STRBP: variants seen among roughly 807,000 people sequenced by gnomAD.
The protein encoded by STRBP is spermatid perinuclear RNA binding protein.
In STRBP, 13 loss-of-function variants were observed where a neutral mutation model predicts 80.1. That is an observed-to-expected ratio of 0.16 (90% confidence interval 0.11 to 0.26). The LOEUF is 0.26. Among genes scored for constraint, STRBP ranks in the 10% least tolerant of loss-of-function variants. The probability of loss-of-function intolerance (pLI) is 1.00; values close to 1 mark genes in which losing one functional copy is unlikely to be tolerated. For synonymous variants in STRBP, 284 were observed against 291.2 expected (o/e 0.98, Z 0.25); for missense variants, 485 against 815.2 (o/e 0.59, Z 4.93).
chr9:123,257,604 C>T (rs1336926244), intron 1 of STRBP, among the ~76,000 whole-genome samples: 1 of 152,168 alleles, frequency 6.6e-6, no homozygotes, highest in African/African-American at 2.4e-5. Context: ...GGCTTGAGCC[C>T]GGCAGTTCAA....
At chr9:123,210,364 CCAA>C (rs1231419669) in intron 2 of STRBP, among the ~76,000 whole-genome samples, 1 of 149,580 alleles carries the variant, frequency 6.7e-6, no homozygotes, top group Non-Finnish European at 1.5e-5. Context: ...ATACATACAC[CCAA>C]CAAAAGATAA....
rs1381731772 is a variant in STRBP at position 123,124,219 on chromosome 9, A to G, written c.*1378T>C. 1.5e-5 allele frequency: 15 copies of G among 985,344 alleles called. No homozygotes were observed. In the Admixed American group the frequency reaches 9.2e-4, roughly 61 times the overall value. The allele number at this position is 985,344 out of a possible 1,614,324, so 61.0% of individuals were successfully genotyped here. ...CCAAAAGCAGAACTGAATAGGGAAA[A>G]TGAAAGCTAATTCATACTAAAAACA... On this transcript the variant is annotated 3_prime_UTR_variant, in exon 19 of 19. Coordinates refer to ENST00000348403, the MANE Select transcript of STRBP (RefSeq NM_018387.5).
intron 2 of STRBP, among the ~76,000 whole-genome samples, chr9:123,232,254 T>A (rs2040419461): frequency 6.6e-6 from 1 of 152,126 alleles, no homozygotes; most frequent in African/African-American, 2.4e-5. Context: ...GAGGTTGCAG[T>A]GAGCCGAAAT....
At chr9:123,264,021 T>C (rs1366318999) in intron 1 of STRBP, among the ~76,000 whole-genome samples, 1 of 152,062 alleles carries the variant, frequency 6.6e-6, no homozygotes, top group Non-Finnish European at 1.5e-5. Context: ...CTACTAAAAA[T>C]ACAAAAAATT....
intron 1 of STRBP, among the ~76,000 whole-genome samples, chr9:123,262,185 G>C (rs987754314): frequency 1.3e-5 from 2 of 152,094 alleles, no homozygotes; most frequent in African/African-American, 4.8e-5. Context: ...AGAAATCTTA[G>C]GTCTGGTACA....
intron 1 of STRBP, among the ~76,000 whole-genome samples, chr9:123,264,442 T>C (rs1227255289): frequency 6.6e-6 from 1 of 152,170 alleles, no homozygotes; most frequent in African/African-American, 2.4e-5. Context: ...AACAAATTAA[T>C]CCACCTAATG....
chr9:123,180,865 T>G, intron 3 of STRBP: 1 of 921,310 alleles, frequency 1.1e-6, no homozygotes, highest in Non-Finnish European at 1.3e-6. Context: ...TGTCTTTACT[T>G]ACATGAAATT....
chr9:123,229,526 G>A (rs908447864), intron 2 of STRBP, among the ~76,000 whole-genome samples: 1 of 152,210 alleles, frequency 6.6e-6, no homozygotes, highest in African/African-American at 2.4e-5. Flanking sequence ...GTTGATGAAT[G>A]ATCCAACAGA....
chr9:123,216,647 T>C lies in STRBP; in HGVS notation c.-165+20183A>G, dbSNP rs375092429. On this transcript the variant is annotated intron_variant, in intron 2 of 18. Coordinates refer to ENST00000348403, the MANE Select transcript of STRBP (RefSeq NM_018387.5). ...TCCTGACCACGATTCATTCTAAAGA[T>C]GCTTTATTCTCAGATAAAGGGAACT... 2.6e-5 allele frequency among the ~76,000 whole-genome samples: 4 copies of C among 152,352 alleles called. No homozygotes were observed. The East Asian group carries it at 5.8e-4, about 22-fold the overall frequency.
intron 2 of STRBP, among the ~76,000 whole-genome samples, chr9:123,206,994 G>GT (rs1367726304): frequency 6.6e-6 from 1 of 151,948 alleles, no homozygotes; most frequent in Non-Finnish European, 1.5e-5. Flanking sequence ...CCAACTTTCC[G>GT]TTTTTCTGTG....
intron 2 of STRBP, among the ~76,000 whole-genome samples, chr9:123,203,041 A>G (rs1337415942): frequency 6.6e-6 from 1 of 152,164 alleles, no homozygotes; most frequent in Non-Finnish European, 1.5e-5. Flanking sequence ...CAGCAACAGC[A>G]TCCAGAGTAT....
In STRBP at chr9:123,125,381, A is replaced by G; in HGVS notation, c.*216T>C. ...GGCTGGTATAAGTTATTTTCCAGAA[A>G]TGAGGTACCGTTTTCACAGAACTGG... On this transcript the variant is annotated 3_prime_UTR_variant, in exon 19 of 19. Transcript: ENST00000348403. 11 of 1,227,068 alleles carry G rather than the reference A, an allele frequency of 9.0e-6. No individual in the cohort carries two copies. The highest frequency in any genetic ancestry group is 1.1e-5 in the Non-Finnish European group (11 of 984,668). The allele number at this position is 1,227,068 out of a possible 1,614,324, so 76.0% of individuals were successfully genotyped here. A position where few individuals can be genotyped will look rare whatever the true frequency, so the allele number is the denominator to read the frequency against.
chr9:123,258,619 CAG>C (rs2041088764), intron 1 of STRBP, among the ~76,000 whole-genome samples: 2 of 151,930 alleles, frequency 1.3e-5, no homozygotes, highest in South Asian at 4.1e-4. Context: ...CTGGCTAACA[CAG>C]TGAAACCCTG....
At chr9:123,150,609 A>G (rs2037014530) in intron 11 of STRBP, among the ~76,000 whole-genome samples, 1 of 152,128 alleles carries the variant, frequency 6.6e-6, no homozygotes, top group Admixed American at 6.6e-5. Context: ...ATTAAAATAA[A>G]CAAAAAAAGA....
intron 2 of STRBP, among the ~76,000 whole-genome samples, chr9:123,220,682 A>T (rs1479358509): frequency 2.0e-5 from 3 of 152,246 alleles, no homozygotes; most frequent in Admixed American, 6.5e-5. Context: ...TCAACAATGT[A>T]TCACTGTATT....
chr9:123,215,703 T>TA (rs1435356992), intron 2 of STRBP, among the ~76,000 whole-genome samples: 2 of 152,176 alleles, frequency 1.3e-5, no homozygotes, highest in Non-Finnish European at 2.9e-5. Context: ...GAGAATCGTT[T>TA]GAACCCAGGA....
chr9:123,213,236 A>C (rs1035714747), intron 2 of STRBP, among the ~76,000 whole-genome samples: 1 of 152,246 alleles, frequency 6.6e-6, no homozygotes. Flanking sequence ...GGACAGCAAT[A>C]TAACGCCATG....
At chr9:123,141,620 C>G (rs1003087157) in intron 13 of STRBP, among the ~76,000 whole-genome samples, 12 of 152,136 alleles carry the variant, frequency 7.9e-5, no homozygotes, top group African/African-American at 1.9e-4. Flanking sequence ...TAAGGACAGT[C>G]ATCTTTTCTC....
At chr9:123,188,517 C>A (rs1477691106) in intron 2 of STRBP, among the ~76,000 whole-genome samples, 2 of 152,082 alleles carry the variant, frequency 1.3e-5, no homozygotes, top group African/African-American at 2.4e-5. Context: ...TGGTGGGCGC[C>A]TGTAGTCCCA....
Sources: allele counts gnomAD v4.1 joint callset (sites outside exome capture counted in the v4.1 genomes callset), GRCh38; gene constraint gnomAD v4.1.1; transcripts MANE v1.5; gene names NCBI Gene and HGNC (gene_info 2026-07-23, HGNC 2026-07-21).